The following CAMKK2 variants were observed in gnomAD, a reference collection of about 807,000 sequenced individuals.
The protein encoded by CAMKK2 is calcium/calmodulin-dependent protein kinase kinase 2.
A neutral mutation model predicts 67.2 loss-of-function variants in CAMKK2; 30 were observed. That is an observed-to-expected ratio of 0.45 (90% confidence interval 0.33 to 0.61). The LOEUF is 0.61. Ranked by LOEUF, CAMKK2 falls within the 20% of genes least tolerant of loss-of-function variation. CAMKK2 has a pLI of 0.02. For synonymous variants in CAMKK2, 322 were observed against 326.2 expected (o/e 0.99, Z 0.14); for missense variants, 643 against 802.0 (o/e 0.80, Z 2.39).
chr12:121,281,718 C>T (rs1275999406), intron 1 of CAMKK2, among the ~76,000 whole-genome samples: 3 of 152,162 alleles, frequency 2.0e-5, no homozygotes, highest in Admixed American at 6.6e-5. Context: ...GAGGCCGAGA[C>T]GGGTGGATCA....
intron 16 of CAMKK2, among the ~76,000 whole-genome samples, chr12:121,241,309 G>A (rs748302731): frequency 2.6e-5 from 4 of 152,208 alleles, no homozygotes; most frequent in Non-Finnish European, 5.9e-5. Context: ...AGTTCCTTGT[G>A]TGTGGGGGTG....
Position 121,249,741 on chromosome 12 carries a change from G to A in CAMKK2, c.1323+46C>T, listed in dbSNP as rs1209260554. The A allele has an allele frequency of 4.6e-6, 7 of 1,519,480 alleles. No individual in the cohort carries two copies. In the African/African-American group the frequency reaches 9.6e-5, roughly 21 times the overall value. 94.1% of individuals were successfully genotyped at this position (1,519,480 alleles called of 1,614,324 possible). ...TGTGGGGTCTGGCTGAGGCATGGCT[G>A]AGCCAAACAATTCCGAGCACGGGGC... is the stretch of plus-strand genomic sequence containing the variant. On this transcript the variant is annotated intron_variant, in intron 13 of 16. Coordinates refer to ENST00000404169, the MANE Select transcript of CAMKK2 (RefSeq NM_001270485.2).
rs750476683 is a variant in CAMKK2 at position 121,274,286 on chromosome 12, C to T, written c.241G>A (p.Val81Ile). Residue 81 changes from valine to isoleucine, a missense_variant, in exon 2 of 17, where the codon GTC (valine) becomes ATC (isoleucine). Val to Ile is a conservative substitution (Grantham distance 29, BLOSUM62 3). Around this residue, in one of 3 missense-constraint regions of CAMKK2, gnomAD observed 483 missense variants for 625.8 expected, o/e 0.77. Transcript: ENST00000404169. ...DRPLEADGQE[V>I]PLDTSGSQAR... is the part of the protein sequence containing the mutation. ...TGGGACCCGGAGGTGTCAAGGGGGA[C>T]CTCTTGGCCATCGGCCTCCAGGGGC... is the stretch of plus-strand genomic sequence containing the variant. 19 of 1,612,158 alleles carry T rather than the reference C, an allele frequency of 1.2e-5. No individual in the cohort carries two copies. The highest frequency in any genetic ancestry group is 1.6e-5 in the Non-Finnish European group (19 of 1,179,114).
chr12:121,257,817 C>T lies in CAMKK2; in HGVS notation c.797-2013G>A, dbSNP rs192675729. 2.4e-4 allele frequency among the ~76,000 whole-genome samples: 37 copies of T among 152,158 alleles called. 1 individual carries two copies. The highest frequency in any genetic ancestry group is 2.1e-3 in the Admixed American group (32 of 15,268). On this transcript the variant is annotated intron_variant, in intron 7 of 16. Transcript: ENST00000404169. ...GCCCCCTCAGCTCTGGCCTTTCCTGCCTTGGTTATTTAAGTCTTCACTTGC... is the reference window on the plus strand; with the variant it reads ...GCCCCCTCAGCTCTGGCCTTTCCTGTCTTGGTTATTTAAGTCTTCACTTGC...
intron 11 of CAMKK2, among the ~76,000 whole-genome samples, chr12:121,252,278 T>A (rs1890890231): frequency 6.6e-6 from 1 of 152,258 alleles, no homozygotes; most frequent in Non-Finnish European, 1.5e-5. Flanking sequence ...TCTCTTATTT[T>A]ATTTTTTGAG....
upstream of CAMKK2, chr12:121,297,644 G>A (rs768287021): frequency 3.9e-6 from 2 of 517,782 alleles, no homozygotes; most frequent in Admixed American, 1.9e-5. Flanking sequence ...CGTCCTACGG[G>A]GTCGAGCGAC....
In CAMKK2 at chr12:121,245,887, C is replaced by T. The variant is rs1263695435; in HGVS notation, c.1453-647G>A. On this transcript the variant is annotated intron_variant, in intron 14 of 16. Coordinates refer to ENST00000404169, the MANE Select transcript of CAMKK2 (RefSeq NM_001270485.2). The surrounding 1 kb of genome is among the most constrained non-coding windows in gnomAD (Gnocchi z 5.8). ...GCCCATCAACTGAAGAAGATAAACT[C>T]AAAGCGGTCTGTCTGTGCAATGGAA... Among the ~76,000 whole-genome samples the T allele has an allele frequency of 6.6e-6, 1 of 152,238 alleles. No homozygotes were observed. The highest frequency in any genetic ancestry group is 2.4e-5 in the African/African-American group (1 of 41,464).
intron 1 of CAMKK2, among the ~76,000 whole-genome samples, chr12:121,289,917 G>C (rs957798895): frequency 1.5e-5 from 2 of 136,654 alleles, no homozygotes; most frequent in African/African-American, 3.4e-5. Flanking sequence ...AAAAAGGCGG[G>C]GCGGGGAGCC....
intron 7 of CAMKK2, among the ~76,000 whole-genome samples, chr12:121,257,241 T>TA (rs1476558922): frequency 4.1e-5 from 6 of 147,296 alleles, no homozygotes; most frequent in Non-Finnish European, 7.4e-5. Context: ...CCACAAAAAT[T>TA]AAAAAAACTT....
chr12:121,246,257 G>GA (rs57346128), intron 14 of CAMKK2, among the ~76,000 whole-genome samples: 8,357 of 150,494 alleles, frequency 0.056, 277 homozygotes, highest in South Asian at 0.12. Flanking sequence ...AAGGAGCGGG[G>GA]GGGGGGAGGC....
At chr12:121,276,027 A>T (rs1248630840) in intron 1 of CAMKK2, among the ~76,000 whole-genome samples, 2 of 150,738 alleles carry the variant, frequency 1.3e-5, no homozygotes, top group Non-Finnish European at 3.0e-5. Flanking sequence ...AAGTGTGGTG[A>T]TGTACACCTG....
intron 7 of CAMKK2, among the ~76,000 whole-genome samples, chr12:121,257,497 C>G (rs944730995): frequency 1.3e-5 from 2 of 152,136 alleles, no homozygotes; most frequent in African/African-American, 4.8e-5. Flanking sequence ...ATCCACCCAC[C>G]TCGGCCTCCC....
intron 1 of CAMKK2, among the ~76,000 whole-genome samples, chr12:121,288,057 G>A (rs774565726): frequency 2.0e-5 from 3 of 152,172 alleles, no homozygotes; most frequent in African/African-American, 4.8e-5. Flanking sequence ...AGGAGCTTAC[G>A]AATGTGTGGG....
At chr12:121,255,529 C>A (rs201618791) in intron 9 of CAMKK2, 21 bp downstream of exon 9, 18 of 1,592,442 alleles carry the variant, frequency 1.1e-5, no homozygotes, top group Non-Finnish European at 1.5e-5. Context: ...GGGTGAGAGC[C>A]CTCCCGCAGG....
chr12:121,267,343 A>G (rs1434887574), intron 5 of CAMKK2, among the ~76,000 whole-genome samples: 3 of 151,132 alleles, frequency 2.0e-5, no homozygotes. Context: ...CAAACTCCTG[A>G]CCTCGTGATC....
chr12:121,269,029 T>C lies in CAMKK2; in HGVS notation c.574-340A>G, dbSNP rs958386939. 2.6e-5 allele frequency among the ~76,000 whole-genome samples: 4 copies of C among 152,162 alleles called. No homozygotes were observed. The East Asian group carries it at 7.7e-4, about 29-fold the overall frequency. On this transcript the variant is annotated intron_variant, in intron 4 of 16. Coordinates refer to ENST00000404169, the MANE Select transcript of CAMKK2 (RefSeq NM_001270485.2). ...GCAATGGGCAAAGGAGGGGCAGGAC[T>C]GGTTGTTTTACACACGGGGAAACTG...
chr12:121,273,635 G>A (rs960735938), intron 2 of CAMKK2, among the ~76,000 whole-genome samples: 3 of 151,936 alleles, frequency 2.0e-5, no homozygotes, highest in African/African-American at 2.4e-5. Context: ...GGCTCCCTCC[G>A]GCCCTGCAAC....
intron 5 of CAMKK2, among the ~76,000 whole-genome samples, chr12:121,267,650 G>A (rs188820640): frequency 2.4e-4 from 36 of 151,640 alleles, no homozygotes; most frequent in Non-Finnish European, 4.0e-4. Context: ...ACACCACTAC[G>A]CTCAGCTAGT....
Position 121,296,092 on chromosome 12 carries a change from A to G in CAMKK2, c.-60+546T>C. Among the ~76,000 whole-genome samples, 1 of 152,142 alleles carries G rather than the reference A, an allele frequency of 6.6e-6. No individual in the cohort carries two copies. The highest frequency in any genetic ancestry group is 2.1e-4 in the South Asian group (1 of 4,836). ...GGTGCGGTGGGGGTGGTCAAAGGGC[A>G]GACCGAAGACAGCCAAAGGTCCCCT... On this transcript the variant is annotated intron_variant, in intron 1 of 16. Transcript: ENST00000404169. This position sits in a 1 kb window ranked among gnomAD's most constrained non-coding sequence, Gnocchi z 7.1.
Sources: allele counts gnomAD v4.1 joint callset (sites outside exome capture counted in the v4.1 genomes callset), GRCh38; gene constraint gnomAD v4.1.1; regional missense constraint gnomAD v4.1.1; non-coding constraint Gnocchi (gnomAD v3.1); transcripts MANE v1.5; gene names NCBI Gene and HGNC (gene_info 2026-07-23, HGNC 2026-07-21).